LEKR1: variants seen among roughly 807,000 people sequenced by gnomAD.
LEKR1 encodes leucine, glutamate and lysine rich 1.
LEKR1 carries 59 observed loss-of-function variants against 72.4 expected under a neutral mutation model. The ratio of observed to expected loss-of-function variants is 0.82; its 90% CI spans 0.66 to 1.01. The LOEUF (loss-of-function observed/expected upper bound fraction) is 1.01. Among genes scored for constraint, LEKR1 ranks in the 50% least tolerant of loss-of-function variants. The probability of loss-of-function intolerance (pLI) is 0.00; values close to 1 mark genes in which losing one functional copy is unlikely to be tolerated. For synonymous variants in LEKR1, 257 were observed against 263.2 expected, an observed-to-expected ratio of 0.98 and a Z score of 0.23; for missense variants, 728 against 759.2, an observed-to-expected ratio of 0.96 and a Z score of 0.48.
At chr3:156,923,313 C>A (rs1301949372) in intron 4 of LEKR1, among the ~76,000 whole-genome samples, 1 of 152,174 alleles carries the variant, frequency 6.6e-6, no homozygotes, top group African/African-American at 2.4e-5. Flanking sequence ...ACCCTCCAGA[C>A]CCTCATGCCA....
chr3:156,902,197 T>C (rs912643555), intron 3 of LEKR1, among the ~76,000 whole-genome samples: 12 of 152,120 alleles, frequency 7.9e-5, no homozygotes, highest in Non-Finnish European at 2.9e-5. Context: ...TTTGCTGACC[T>C]ATTTCCTATT....
At chr3:156,948,411 C>A (rs1197014066) in intron 6 of LEKR1, among the ~76,000 whole-genome samples, 1 of 151,104 alleles carries the variant, frequency 6.6e-6, no homozygotes, top group African/African-American at 2.4e-5. Context: ...TTATTAGTGA[C>A]TCTTGGGCCT....
rs1181103091 is a variant in LEKR1 at position 156,832,653 on chromosome 3, TATGA to T, written c.48+3279_48+3282del. On this transcript the variant is annotated intron_variant, in intron 2 of 12. Transcript: ENST00000356539. Reference sequence around the variant, plus strand: ...ATTCATCTGTGCCTGCACATACCTGTATGAATTGGGTGAATTTCTCTCTTCTTGA... The same window carrying T: ...ATTCATCTGTGCCTGCACATACCTGTATTGGGTGAATTTCTCTCTTCTTGA... Among the ~76,000 whole-genome samples the T allele has an allele frequency of 5.5e-4, 84 of 152,220 alleles. 2 individuals are homozygous for T. Among genetic ancestry groups the T allele is most frequent in the African/African-American group, 2.0e-3 (84 of 41,460 alleles).
intron 6 of LEKR1, among the ~76,000 whole-genome samples, chr3:156,953,261 A>T (rs1229100536): frequency 6.6e-6 from 1 of 151,548 alleles, no homozygotes; most frequent in Admixed American, 6.6e-5. Flanking sequence ...CCCAACACAC[A>T]GTTTCCCCTA....
At chr3:156,839,143 C>T (rs1443709882) in intron 2 of LEKR1, among the ~76,000 whole-genome samples, 1 of 152,196 alleles carries the variant, frequency 6.6e-6, no homozygotes, top group Non-Finnish European at 1.5e-5. Flanking sequence ...ATGATCAGGA[C>T]TGCCCTTATC....
chr3:157,025,886 C>G (rs1159498293), intron 11 of LEKR1, among the ~76,000 whole-genome samples: 1 of 151,782 alleles, frequency 6.6e-6, no homozygotes, highest in South Asian at 2.1e-4. Context: ...CTTAATTAGC[C>G]TAGTGTGACG....
At chr3:156,939,304 C>CAAGCCAAG (rs1725996182) in intron 5 of LEKR1, among the ~76,000 whole-genome samples, 1 of 152,148 alleles carries the variant, frequency 6.6e-6, no homozygotes, top group Non-Finnish European at 1.5e-5. Flanking sequence ...CAGCCACCTG[C>CAAGCCAAG]AAGCCAAGGA....
intron 6 of LEKR1, among the ~76,000 whole-genome samples, chr3:156,953,838 T>C (rs925084673): frequency 6.6e-6 from 1 of 151,932 alleles, no homozygotes; most frequent in Non-Finnish European, 1.5e-5. Context: ...TATGCATGCT[T>C]GTATTTTTAT....
intron 3 of LEKR1, among the ~76,000 whole-genome samples, chr3:156,901,615 C>G (rs1277983554): frequency 6.6e-6 from 1 of 152,158 alleles, no homozygotes; most frequent in African/African-American, 2.4e-5. Flanking sequence ...CTCTTTTCCT[C>G]GTACTGAACC....
chr3:156,878,176 G>A (rs1718849791), intron 3 of LEKR1, among the ~76,000 whole-genome samples: 2 of 151,594 alleles, frequency 1.3e-5, no homozygotes, highest in South Asian at 4.2e-4. Flanking sequence ...GTTTGGGTTT[G>A]GTTTGTTCCT....
At chr3:156,892,086 G>A (rs11921839) in intron 3 of LEKR1, among the ~76,000 whole-genome samples, 7,627 of 152,146 alleles carry the variant, frequency 0.05, 271 homozygotes, top group South Asian at 0.12. Context: ...ATCCAGAGTT[G>A]GACAGGGGTT....
intron 3 of LEKR1, among the ~76,000 whole-genome samples, chr3:156,878,286 C>A (rs973233155): frequency 6.6e-6 from 1 of 152,024 alleles, no homozygotes; most frequent in African/African-American, 2.4e-5. Context: ...CCTGTTAACA[C>A]TGTTTTTGCT....
At chr3:156,941,269 G>T (rs1726175881) in intron 5 of LEKR1, among the ~76,000 whole-genome samples, 1 of 152,054 alleles carries the variant, frequency 6.6e-6, no homozygotes. Context: ...CAGACCCCTT[G>T]TGCTTATTCC....
chr3:157,002,293 A>G (rs1393189775), intron 9 of LEKR1, among the ~76,000 whole-genome samples: 1 of 152,076 alleles, frequency 6.6e-6, no homozygotes, highest in African/African-American at 2.4e-5. Context: ...AATTCCTCTA[A>G]ATTTCTAGCA....
chr3:156,848,046 G>A (rs1714847899), intron 2 of LEKR1, among the ~76,000 whole-genome samples: 2 of 152,298 alleles, frequency 1.3e-5, no homozygotes, highest in South Asian at 4.1e-4. Context: ...TTTGCCAGGA[G>A]CAGGGCAAGA....
chr3:156,966,486 G>T (rs773499978), intron 6 of LEKR1, among the ~76,000 whole-genome samples: 1 of 152,204 alleles, frequency 6.6e-6, no homozygotes, highest in Admixed American at 6.5e-5. Flanking sequence ...ATTATATCCC[G>T]CACCGGGCGT....
At chr3:156,861,887 T>G (rs1053857239) in intron 3 of LEKR1, among the ~76,000 whole-genome samples, 1 of 152,120 alleles carries the variant, frequency 6.6e-6, no homozygotes, top group African/African-American at 2.4e-5. Flanking sequence ...ACACCAACAC[T>G]AGATTGTGCT....
chr3:156,947,459 C>A (rs1726785571), intron 6 of LEKR1, among the ~76,000 whole-genome samples: 1 of 151,020 alleles, frequency 6.6e-6, no homozygotes. Context: ...CCCAATAAAC[C>A]CATCCTAACT....
intron 10 of LEKR1, among the ~76,000 whole-genome samples, chr3:157,011,792 A>G (rs1216693664): frequency 1.3e-5 from 2 of 152,110 alleles, no homozygotes; most frequent in East Asian, 3.8e-4. Context: ...TTATCTCCTC[A>G]TCAACTATCA....
Sources: allele counts gnomAD v4.1 joint callset (sites outside exome capture counted in the v4.1 genomes callset), GRCh38; gene constraint gnomAD v4.1.1; transcripts MANE v1.5; gene names NCBI Gene and HGNC (gene_info 2026-07-23, HGNC 2026-07-21).